Variants in MAEL observed in about 807,000 individuals in gnomAD.
MAEL encodes the protein maelstrom spermatogenic transposon silencer.
MAEL carries 46 observed loss-of-function variants against 62.0 expected under a neutral mutation model. The observed-to-expected ratio is 0.74, with a 90% CI of 0.59 to 0.95. The LOEUF is 0.95. Among genes scored for constraint, MAEL ranks in the 40% least tolerant of loss-of-function variants. The pLI is 0.00. For missense variants in MAEL, 497 were observed against 526.8 expected (o/e 0.94, Z 0.55); for synonymous variants, 172 against 175.5 (o/e 0.98, Z 0.16).
chr1:167,001,009 A>G (rs1664637146), intron 5 of MAEL, among the ~76,000 whole-genome samples: 1 of 152,242 alleles, frequency 6.6e-6, no homozygotes, highest in Admixed American at 6.5e-5. Context: ...CCAAATGCCC[A>G]TCAATCAACA....
chr1:167,005,211 T>C, intron 7 of MAEL, 45 bp from the exon 8 acceptor site: 2 of 1,610,626 alleles, frequency 1.2e-6, no homozygotes. Flanking sequence ...CTTCCAGGTA[T>C]CTAAATTTAC....
chr1:167,017,875 A>G lies in MAEL; in HGVS notation c.957A>G (p.Thr319=), dbSNP rs141798349. 3.8e-4 allele frequency: 621 copies of G among 1,613,358 alleles called. 6 individuals are homozygous for G. The African/African-American group carries it at 7.3e-3, about 19-fold the overall frequency. The change falls in exon 10 of 12, where the codon ACA becomes ACG. Residue 319 remains threonine, a synonymous_variant. Transcript: ENST00000367872. ...SLATLFGIQL[T]EAHVPLQDYE... The stretch of plus-strand genomic sequence containing the variant: ...CCACTCTCTTTGGAATCCAGCTCAC[A>G]GAGGCTCATGTACCACTACAAGATT...
chr1:167,008,832 C>T (rs1413411074), intron 8 of MAEL, among the ~76,000 whole-genome samples: 3 of 151,994 alleles, frequency 2.0e-5, no homozygotes, highest in Non-Finnish European at 4.4e-5. Context: ...TTTTAAATGT[C>T]CAGGTGAAAA....
upstream of MAEL, among the ~76,000 whole-genome samples, chr1:166,984,200 C>T (rs1295972686): frequency 1.3e-5 from 2 of 152,126 alleles, no homozygotes; most frequent in African/African-American, 4.8e-5. Flanking sequence ...CTTACTCCTA[C>T]AACCAATCCA....
intron 9 of MAEL, among the ~76,000 whole-genome samples, chr1:167,017,210 A>G (rs1396746576): frequency 6.6e-6 from 1 of 152,184 alleles, no homozygotes; most frequent in Non-Finnish European, 1.5e-5. Context: ...TGCGATTACT[A>G]CACATTGCAT....
intron 8 of MAEL, among the ~76,000 whole-genome samples, chr1:167,008,804 A>G (rs993918216): frequency 7.9e-5 from 12 of 152,090 alleles, no homozygotes; most frequent in Admixed American, 5.9e-4. Flanking sequence ...CTCAGCCACC[A>G]TCTCTTTAAA....
At chr1:167,006,601 C>CTCTATATATATATA (rs1553237881) in intron 8 of MAEL, among the ~76,000 whole-genome samples, 2 of 98,070 alleles carry the variant, frequency 2.0e-5, no homozygotes, top group Non-Finnish European at 4.1e-5. Flanking sequence ...TGGTTTTTTA[C>CTCTATATATATATA]TATATATATA....
chr1:167,017,685 C>T, intron 9 of MAEL, 142 bp from the exon 10 acceptor site: 1 of 623,676 alleles, frequency 1.6e-6, no homozygotes, highest in African/African-American at 1.9e-5. Context: ...ATTTATATGT[C>T]TTCTCTGAAT....
intron 10 of MAEL, 78 bp downstream of exon 10, chr1:167,018,037 G>A (rs1046263645): frequency 7.0e-7 from 1 of 1,418,690 alleles, no homozygotes; most frequent in Non-Finnish European, 9.6e-7. Flanking sequence ...AGAAACAAAA[G>A]ATCAGCCTTT....
chr1:166,979,356 A>G (rs796999114), intron 1 of MAEL, among the ~76,000 whole-genome samples: 3 of 131,006 alleles, frequency 2.3e-5, no homozygotes, highest in South Asian at 5.2e-4. Context: ...TCAATGAATT[A>G]TAAGTTAAAA....
upstream of MAEL, among the ~76,000 whole-genome samples, chr1:166,986,697 G>A (rs1046216752): frequency 2.0e-5 from 3 of 151,834 alleles, no homozygotes; most frequent in African/African-American, 7.3e-5. Flanking sequence ...TAATAAACAG[G>A]CAAGAAAATA....
At chr1:166,999,195 T>G (rs1664556577) in intron 5 of MAEL, among the ~76,000 whole-genome samples, 1 of 152,154 alleles carries the variant, frequency 6.6e-6, no homozygotes, top group Non-Finnish European at 1.5e-5. Context: ...TAGTGAGGAA[T>G]GCATATCAAA....
chr1:166,992,903 CT>C, intron 4 of MAEL, 62 bp downstream of exon 4: 1 of 1,338,196 alleles, frequency 7.5e-7, no homozygotes. Context: ...TAAATCTTGA[CT>C]TTATTTGATA....
chr1:166,986,864 T>C (rs1464612879), upstream of MAEL, among the ~76,000 whole-genome samples: 1 of 150,500 alleles, frequency 6.6e-6, no homozygotes, highest in Non-Finnish European at 1.5e-5. Context: ...TTTTAAAAGA[T>C]CAATAAAATA....
chr1:166,994,959 C>T (rs1291207695), intron 5 of MAEL, among the ~76,000 whole-genome samples: 1 of 149,298 alleles, frequency 6.7e-6, no homozygotes, highest in East Asian at 2.0e-4. Context: ...AATGAGCCAC[C>T]GTGCCCACCC....
chr1:166,989,202 C>T, upstream of MAEL: 3 of 1,037,050 alleles, frequency 2.9e-6, no homozygotes, highest in South Asian at 4.9e-5. Flanking sequence ...TTTGTTCCCC[C>T]GCGGGGCAAT....
chr1:167,002,714 G>A (rs1197123538), intron 5 of MAEL, among the ~76,000 whole-genome samples: 1 of 152,152 alleles, frequency 6.6e-6, no homozygotes, highest in African/African-American at 2.4e-5. Context: ...ATCACCAAAG[G>A]ATTATTAGTA....
At chr1:166,977,018 A>C (rs1012597136) in intron 1 of MAEL, among the ~76,000 whole-genome samples, 3 of 152,206 alleles carry the variant, frequency 2.0e-5, no homozygotes, top group Non-Finnish European at 4.4e-5. Context: ...TGGTGGATAT[A>C]AGAAACAAGG....
intron 1 of MAEL, among the ~76,000 whole-genome samples, chr1:166,983,427 T>G (rs1663818632): frequency 6.6e-6 from 1 of 152,208 alleles, no homozygotes; most frequent in Admixed American, 6.5e-5. Flanking sequence ...TTCATGAATT[T>G]AAATACCATC....
Sources: allele counts gnomAD v4.1 joint callset (sites outside exome capture counted in the v4.1 genomes callset), GRCh38; gene constraint gnomAD v4.1.1; transcripts MANE v1.5; gene names NCBI Gene and HGNC (gene_info 2026-07-23, HGNC 2026-07-21).